The following EXOC6B variants were observed in gnomAD, a reference collection of about 807,000 sequenced individuals.
EXOC6B encodes the protein SEC15 homolog B.
Under a neutral mutation model 113.5 loss-of-function variants are expected in EXOC6B, and 54 were observed. The observed-to-expected ratio is 0.48, with a 90% CI of 0.38 to 0.60. The LOEUF is 0.60. EXOC6B is among the 20% of genes least tolerant of loss of function. The probability of loss-of-function intolerance (pLI) is 0.00; values close to 1 mark genes in which losing one functional copy is unlikely to be tolerated. For missense variants in EXOC6B, 797 were observed against 977.5 expected (o/e 0.82, Z 2.46); for synonymous variants, 357 against 339.0 (o/e 1.05, Z -0.58).
At chr2:72,371,249 G>A (rs575215354) in intron 19 of EXOC6B, among the ~76,000 whole-genome samples, 161 of 152,134 alleles carry the variant, frequency 1.1e-3, no homozygotes, top group African/African-American at 3.8e-3. Flanking sequence ...AGTTCACTGC[G>A]AGTTCTATCA....
intron 17 of EXOC6B, among the ~76,000 whole-genome samples, chr2:72,472,911 TCCATATTAA>T (rs1442558615): frequency 2.0e-5 from 3 of 152,214 alleles, no homozygotes. Flanking sequence ...AACATTTATT[TCCATATTAA>T]TTTCTTCATT....
chr2:72,348,330 G>C (rs1273041613), intron 19 of EXOC6B, among the ~76,000 whole-genome samples: 1 of 152,098 alleles, frequency 6.6e-6, no homozygotes, highest in East Asian at 1.9e-4. Flanking sequence ...TAAATATTCA[G>C]ATCATAGGAC....
At position 72,492,375 on chromosome 2, in the gene EXOC6B, C is replaced by T; in HGVS notation, c.1608G>A (p.Arg536=). The T allele has an allele frequency of 6.2e-7, 1 of 1,613,002 alleles. No individual in the cohort carries two copies. Among genetic ancestry groups the T allele is most frequent in the Non-Finnish European group, 8.5e-7 (1 of 1,179,204 alleles). ...IRKSTNLLLT[R]TLSNSLQNVI... ...CATTCTGCAGAGAGTTGCTCAGAGT[C>T]CTGGTTAGCAACAGGTTTGTTGATT... Residue 536 remains arginine (R), a synonymous_variant, in exon 16 of 22, where the codon AGG becomes AGA. Transcript: ENST00000272427.
chr2:72,721,832 T>A (rs1433451567), intron 5 of EXOC6B: 2 of 152,060 alleles, frequency 1.3e-5, no homozygotes, highest in Non-Finnish European at 2.9e-5. Flanking sequence ...TTGGCTAAGA[T>A]CAAATTTAAT....
At chr2:72,209,223 C>CAAAAAAAAAAAA (rs1170760516) in intron 20 of EXOC6B, among the ~76,000 whole-genome samples, 5 of 57,100 alleles carry the variant, frequency 8.8e-5, no homozygotes, top group African/African-American at 1.2e-4. Context: ...AACTCAGTCT[C>CAAAAAAAAAAAA]AAAAAAAAAA....
intron 18 of EXOC6B, among the ~76,000 whole-genome samples, chr2:72,424,765 C>T (rs1257107926): frequency 6.6e-6 from 1 of 152,136 alleles, no homozygotes; most frequent in African/African-American, 2.4e-5. Context: ...AGAAACATAT[C>T]TAATTATCAG....
intron 2 of EXOC6B, among the ~76,000 whole-genome samples, chr2:72,736,168 G>A (rs996997586): frequency 6.6e-6 from 1 of 150,966 alleles, no homozygotes; most frequent in African/African-American, 2.4e-5. Flanking sequence ...CTGGGTTGAC[G>A]GAGCAACACT....
At chr2:72,552,923 A>C (rs1408507886) in intron 8 of EXOC6B, among the ~76,000 whole-genome samples, 1 of 152,050 alleles carries the variant, frequency 6.6e-6, no homozygotes, top group African/African-American at 2.4e-5. Flanking sequence ...GAAAAAAGTC[A>C]GATATATTCT....
At chr2:72,692,274 C>G (rs563403312) in intron 6 of EXOC6B, among the ~76,000 whole-genome samples, 1 of 151,678 alleles carries the variant, frequency 6.6e-6, no homozygotes, top group South Asian at 2.1e-4. Context: ...AATTCCTTCT[C>G]TATTATTCCT....
intron 8 of EXOC6B, among the ~76,000 whole-genome samples, chr2:72,536,452 C>T (rs1573345979): frequency 6.6e-6 from 1 of 152,094 alleles, no homozygotes; most frequent in Non-Finnish European, 1.5e-5. Context: ...TTGCATATTG[C>T]ATTCAATCAT....
chr2:72,825,136 G>A lies in EXOC6B; in HGVS notation c.113+662C>T, dbSNP rs1251932667. On this transcript the variant is annotated intron_variant, in intron 1 of 21. Coordinates refer to ENST00000272427, the MANE Select transcript of EXOC6B (RefSeq NM_015189.3). This position sits in a 1 kb window ranked among gnomAD's most constrained non-coding sequence, Gnocchi z 4.4. Reference sequence around the variant, plus strand: ...TTCTTTTGACATCTCCAAATAAAATGGAGATGTGCGTGCAAAAAAAAATGA... The same window carrying A: ...TTCTTTTGACATCTCCAAATAAAATAGAGATGTGCGTGCAAAAAAAAATGA... Among the ~76,000 whole-genome samples, 1 of 152,076 alleles carries A rather than the reference G, an allele frequency of 6.6e-6. No individual in the cohort carries two copies. The highest frequency in any genetic ancestry group is 1.5e-5 in the Non-Finnish European group (1 of 68,026).
At chr2:72,709,953 C>T (rs2104683922) in intron 6 of EXOC6B, among the ~76,000 whole-genome samples, 1 of 152,142 alleles carries the variant, frequency 6.6e-6, no homozygotes, top group Non-Finnish European at 1.5e-5. Context: ...ATTCCCTTCC[C>T]AAAGCTCATA....
chr2:72,666,952 T>C (rs1675439324), intron 6 of EXOC6B, among the ~76,000 whole-genome samples: 1 of 151,796 alleles, frequency 6.6e-6, no homozygotes, highest in African/African-American at 2.4e-5. Flanking sequence ...AACCTCCACC[T>C]CCCGGGTTCA....
intron 20 of EXOC6B, among the ~76,000 whole-genome samples, chr2:72,211,667 G>T (rs1445011070): frequency 1.3e-5 from 2 of 152,156 alleles, no homozygotes; most frequent in African/African-American, 4.8e-5. Flanking sequence ...AGTTCTGAAT[G>T]ATTTTTAACA....
At chr2:72,465,825 A>G (rs1366237335) in intron 17 of EXOC6B, among the ~76,000 whole-genome samples, 4 of 152,178 alleles carry the variant, frequency 2.6e-5, no homozygotes, top group Non-Finnish European at 5.9e-5. Context: ...CTTCTGTTAA[A>G]TACTCTCTAT....
chr2:72,260,547 A>G (rs904020833), intron 20 of EXOC6B, among the ~76,000 whole-genome samples: 6 of 152,188 alleles, frequency 3.9e-5, no homozygotes, highest in Admixed American at 3.9e-4. Flanking sequence ...AATAATCTAG[A>G]CAGGATTTCA....
chr2:72,690,932 C>T (rs541200897), intron 6 of EXOC6B, among the ~76,000 whole-genome samples: 16 of 152,210 alleles, frequency 1.1e-4, no homozygotes, highest in African/African-American at 3.4e-4. Context: ...ATGAGGTCTT[C>T]AGGGTGGGCC....
chr2:72,777,412 T>C (rs1278809847), intron 1 of EXOC6B, among the ~76,000 whole-genome samples: 1 of 152,078 alleles, frequency 6.6e-6, no homozygotes, highest in Non-Finnish European at 1.5e-5. Context: ...ATATTTTTTA[T>C]TTAAATTTTT....
chr2:72,199,417 G>A (rs1679359512), intron 20 of EXOC6B, among the ~76,000 whole-genome samples: 2 of 152,146 alleles, frequency 1.3e-5, no homozygotes, highest in African/African-American at 4.8e-5. Flanking sequence ...TTGGGAGGAT[G>A]GGGAAAGTGA....
Sources: allele counts gnomAD v4.1 joint callset (sites outside exome capture counted in the v4.1 genomes callset), GRCh38; gene constraint gnomAD v4.1.1; non-coding constraint Gnocchi (gnomAD v3.1); transcripts MANE v1.5; gene names NCBI Gene and HGNC (gene_info 2026-07-23, HGNC 2026-07-21).